The following ANKS1B variants were observed in gnomAD, a reference collection of about 807,000 sequenced individuals.
ANKS1B encodes the protein ankyrin repeat and sterile alpha motif domain containing 1B, also known as ankyrin repeat and sterile alpha motif domain-containing protein 1B.
Under a neutral mutation model 148.3 loss-of-function variants are expected in ANKS1B, and 36 were observed. The observed-to-expected ratio is 0.24, with a 90% CI of 0.19 to 0.32. ANKS1B has a LOEUF of 0.32. Ranked by LOEUF, ANKS1B falls within the 10% of genes least tolerant of loss-of-function variation. The probability of loss-of-function intolerance (pLI) is 1.00; values close to 1 mark genes in which losing one functional copy is unlikely to be tolerated. For synonymous variants in ANKS1B, 542 were observed against 560.8 expected (o/e 0.97, Z 0.47); for missense variants, 1,157 against 1,542.6 (o/e 0.75, Z 4.19).
At chr12:99,002,334 T>C (rs77210607) in intron 17 of ANKS1B, among the ~76,000 whole-genome samples, 101 of 152,318 alleles carry the variant, frequency 6.6e-4, no homozygotes, top group African/African-American at 2.4e-3. Context: ...TCGGAGCTTT[T>C]TGTCTGTTAA....
chr12:99,774,948 CAA>C (rs962233518), intron 7 of ANKS1B, among the ~76,000 whole-genome samples: 4 of 151,850 alleles, frequency 2.6e-5, no homozygotes, highest in African/African-American at 7.3e-5. Context: ...CTAAAAAAGT[CAA>C]AGTCATAAAA....
intron 9 of ANKS1B, among the ~76,000 whole-genome samples, chr12:99,517,991 C>G (rs2153050004): frequency 6.6e-6 from 1 of 152,108 alleles, no homozygotes; most frequent in South Asian, 2.1e-4. Context: ...TGGTTTTTAT[C>G]CTTTATTCTG....
chr12:99,593,070 G>GT (rs1332032501), intron 9 of ANKS1B, among the ~76,000 whole-genome samples: 3 of 152,162 alleles, frequency 2.0e-5, no homozygotes, highest in Admixed American at 2.0e-4. Context: ...AGAACAGATT[G>GT]TAAGTGTTTC....
chr12:98,816,969 G>A (rs1250925151), intron 19 of ANKS1B, among the ~76,000 whole-genome samples: 2 of 151,004 alleles, frequency 1.3e-5, no homozygotes, highest in Non-Finnish European at 3.0e-5. Flanking sequence ...TACCAGAGAT[G>A]AAATTTTCTG....
At chr12:98,803,267 T>C (rs2099020988) in intron 20 of ANKS1B, among the ~76,000 whole-genome samples, 1 of 152,218 alleles carries the variant, frequency 6.6e-6, no homozygotes, top group Non-Finnish European at 1.5e-5. Flanking sequence ...TAATAACCTT[T>C]AAGTGATAAT....
intron 17 of ANKS1B, among the ~76,000 whole-genome samples, chr12:98,921,879 G>A (rs1567798150): frequency 6.6e-6 from 1 of 152,136 alleles, no homozygotes; most frequent in African/African-American, 2.4e-5. Context: ...TTTGAACAAA[G>A]TCCACAGTCT....
At chr12:98,800,759 T>C (rs1471240475) in intron 21 of ANKS1B, among the ~76,000 whole-genome samples, 3 of 150,976 alleles carry the variant, frequency 2.0e-5, no homozygotes, top group Admixed American at 6.6e-5. Context: ...TATACAACTA[T>C]ATAAGAGGTC....
At chr12:98,856,320 C>T (rs566704467) in intron 17 of ANKS1B, among the ~76,000 whole-genome samples, 8 of 152,218 alleles carry the variant, frequency 5.3e-5, no homozygotes, top group East Asian at 1.9e-4. Context: ...AACCCATTCT[C>T]GGTACCAGTA....
intron 17 of ANKS1B, among the ~76,000 whole-genome samples, chr12:98,982,859 G>A (rs745895403): frequency 4.6e-5 from 7 of 152,082 alleles, no homozygotes; most frequent in Non-Finnish European, 1.0e-4. Flanking sequence ...TAAGTTCCTG[G>A]TGCACACATG....
intron 17 of ANKS1B, among the ~76,000 whole-genome samples, chr12:98,950,172 C>T (rs893306085): frequency 3.9e-5 from 6 of 152,294 alleles, no homozygotes; most frequent in African/African-American, 9.6e-5. Context: ...CACATAATGA[C>T]GCATTGAAGG....
At chr12:98,986,611 CTTTTG>C (rs1375218674) in intron 17 of ANKS1B, among the ~76,000 whole-genome samples, 1 of 151,590 alleles carries the variant, frequency 6.6e-6, no homozygotes, top group African/African-American at 2.4e-5. Context: ...TCTACTGGAT[CTTTTG>C]TTTTGTTTTG....
chr12:99,910,722 G>C (rs2093979144), intron 1 of ANKS1B, among the ~76,000 whole-genome samples: 1 of 152,054 alleles, frequency 6.6e-6, no homozygotes, highest in African/African-American at 2.4e-5. Flanking sequence ...TCTCAATAAA[G>C]CTGTTTAAAA....
chr12:99,743,242 G>A (rs536059436), intron 8 of ANKS1B, among the ~76,000 whole-genome samples: 2 of 152,156 alleles, frequency 1.3e-5, no homozygotes, highest in South Asian at 2.1e-4. Context: ...TCTCAAGCAC[G>A]ACAAAATCTA....
intron 9 of ANKS1B, among the ~76,000 whole-genome samples, chr12:99,653,574 A>G (rs1567571409): frequency 6.6e-6 from 1 of 152,092 alleles, no homozygotes; most frequent in African/African-American, 2.4e-5. Flanking sequence ...TTGTTCACTG[A>G]GATTCATTCA....
chr12:99,620,803 A>G (rs1475473774), intron 9 of ANKS1B, among the ~76,000 whole-genome samples: 1 of 152,180 alleles, frequency 6.6e-6, no homozygotes, highest in African/African-American at 2.4e-5. Context: ...ATGAGAGAGA[A>G]AGAGAAAAAG....
At chr12:99,000,014 A>T in intron 17 of ANKS1B, among the ~76,000 whole-genome samples, 1 of 152,302 alleles carries the variant, frequency 6.6e-6, no homozygotes, top group South Asian at 2.1e-4. Flanking sequence ...GTTTACAAGA[A>T]TAAAGCCCAA....
At chr12:98,795,654 T>C in intron 22 of ANKS1B, 1 of 451,706 alleles carries the variant, frequency 2.2e-6, no homozygotes, top group Non-Finnish European at 4.4e-6. Flanking sequence ...GCACATAAAA[T>C]AAGCCATTTA....
rs1248438151 is a variant in ANKS1B, at chr12:99,194,073, T to G, written c.2420-39678A>C. Among the ~76,000 whole-genome samples the G allele has an allele frequency of 2.0e-5, 3 of 152,208 alleles. No homozygotes were observed. In the East Asian group the frequency reaches 5.8e-4, roughly 29 times the overall value. ...CCTCAGCCTCTCAAAGTGCTGGGAT[T>G]ACAGGCATGAGCCACTGCACCCAGC... On this transcript the variant is annotated intron_variant, in intron 14 of 26. Coordinates refer to ENST00000683438, the MANE Select transcript of ANKS1B (RefSeq NM_001352186.2).
chr12:99,886,723 T>C (rs759396155), intron 1 of ANKS1B, among the ~76,000 whole-genome samples: 18 of 152,210 alleles, frequency 1.2e-4, no homozygotes, highest in Non-Finnish European at 2.6e-4. Flanking sequence ...ACAGACCTAC[T>C]GTATATCCAC....
Sources: gnomAD v4.1 joint callset for allele counts (sites outside exome capture counted in the v4.1 genomes callset) on GRCh38, gnomAD v4.1.1 for gene constraint, MANE v1.5 for transcripts, NCBI Gene and HGNC (gene_info 2026-07-23, HGNC 2026-07-21) for gene names.